LRRC2: variants seen among roughly 807,000 people sequenced by gnomAD.
The protein encoded by LRRC2 is leucine rich repeat containing 2.
A neutral mutation model predicts 40.2 loss-of-function variants in LRRC2; 27 were observed. The observed-to-expected ratio is 0.67, with a 90% confidence interval of 0.49 to 0.93. The LOEUF (loss-of-function observed/expected upper bound fraction) is 0.93. LRRC2 is among the 40% of genes least tolerant of loss of function. LRRC2 has a pLI of 0.00. For missense variants in LRRC2, 402 were observed against 439.6 expected (o/e 0.91, Z 0.76); for synonymous variants, 147 against 158.9 (o/e 0.92, Z 0.56).
intron 4 of LRRC2, among the ~76,000 whole-genome samples, chr3:46,535,644 T>G (rs571669134): frequency 1.7e-4 from 26 of 152,330 alleles, no homozygotes; most frequent in Non-Finnish European, 2.4e-4. Flanking sequence ...CATCTTTGTC[T>G]TCAGAATCTT....
chr3:46,560,626 T>C (rs1185278025), intron 1 of LRRC2, among the ~76,000 whole-genome samples: 2 of 152,178 alleles, frequency 1.3e-5, no homozygotes, highest in Non-Finnish European at 2.9e-5. Flanking sequence ...GCCTGGACCC[T>C]CGTTGAATTT....
chr3:46,536,120 T>C (rs377344306), intron 4 of LRRC2, among the ~76,000 whole-genome samples: 1 of 152,186 alleles, frequency 6.6e-6, no homozygotes, highest in Non-Finnish European at 1.5e-5. Context: ...TTAACATGCA[T>C]GGTTACATGT....
At chr3:46,563,672 T>C (rs1704995552) in intron 1 of LRRC2, among the ~76,000 whole-genome samples, 2 of 152,246 alleles carry the variant, frequency 1.3e-5, no homozygotes, top group African/African-American at 4.8e-5. Context: ...AAGTATTTGA[T>C]TCATTATATT....
chr3:46,522,808 C>CACAA (rs1391856123), intron 7 of LRRC2, among the ~76,000 whole-genome samples: 1 of 145,020 alleles, frequency 6.9e-6, no homozygotes, highest in African/African-American at 2.6e-5. Context: ...CACACACACA[C>CACAA]AAGCTAAAGG....
chr3:46,524,538 G>C (rs1305754321), intron 7 of LRRC2, among the ~76,000 whole-genome samples: 1 of 152,200 alleles, frequency 6.6e-6, no homozygotes, highest in Non-Finnish European at 1.5e-5. Context: ...TCCTCGGCTT[G>C]TTCTCTGGGA....
At chr3:46,537,216 C>G (rs549126974) in intron 4 of LRRC2, among the ~76,000 whole-genome samples, 1 of 152,310 alleles carries the variant, frequency 6.6e-6, no homozygotes, top group East Asian at 1.9e-4. Flanking sequence ...CAGCCTCAAC[C>G]TCCTGGGCTC....
chr3:46,536,691 A>C (rs1487741774), intron 4 of LRRC2, among the ~76,000 whole-genome samples: 2 of 152,188 alleles, frequency 1.3e-5, no homozygotes, highest in African/African-American at 4.8e-5. Flanking sequence ...TCTGCAGTGG[A>C]TCTTGGGCGT....
At chr3:46,527,751 A>G (rs1400706174) in intron 6 of LRRC2, among the ~76,000 whole-genome samples, 170 bp from the exon 7 acceptor site, 1 of 151,576 alleles carries the variant, frequency 6.6e-6, no homozygotes, top group African/African-American at 2.4e-5. Flanking sequence ...TTTTTGAGAC[A>G]AGGTGTTATT....
At chr3:46,540,484 C>G (rs1053490553) in intron 3 of LRRC2, among the ~76,000 whole-genome samples, 1 of 150,332 alleles carries the variant, frequency 6.7e-6, no homozygotes, top group African/African-American at 2.5e-5. Flanking sequence ...AAAATAGCAC[C>G]ACTGCACTCC....
chr3:46,545,133 G>A lies in LRRC2; in HGVS notation c.246C>T (p.Asn82=). The change falls in exon 3 of 9, where the codon AAC becomes AAT. Residue 82 remains asparagine, a synonymous_variant. Coordinates refer to ENST00000395905, the MANE Select transcript of LRRC2 (RefSeq NM_024512.5). ...SVRLLDKIER[N]TLTRQSSLPK... is the part of the protein sequence containing the mutation. ...GAAGTGAACTCTGCCTTGTGAGAGTGTTCCTTTCAATCTTGTCCAGAAGCC... is the reference window on the plus strand; with the variant it reads ...GAAGTGAACTCTGCCTTGTGAGAGTATTCCTTTCAATCTTGTCCAGAAGCC... 1.9e-6 allele frequency: 3 copies of A among 1,614,192 alleles called. No homozygotes were observed. The highest frequency in any genetic ancestry group is 2.5e-6 in the Non-Finnish European group (3 of 1,180,026).
At chr3:46,527,683 T>C (rs957542486) in intron 6 of LRRC2, 102 bp from the exon 7 acceptor site, 96 of 990,394 alleles carry the variant, frequency 9.7e-5, no homozygotes, top group Non-Finnish European at 1.4e-4. Context: ...CCTACTTTAT[T>C]TTATACATGT....
chr3:46,522,405 A>AAATG (rs1231601565), intron 7 of LRRC2, among the ~76,000 whole-genome samples: 4 of 148,754 alleles, frequency 2.7e-5, no homozygotes, highest in East Asian at 4.0e-4. Flanking sequence ...ATAAATAAAT[A>AAATG]AATAAATAAA....
At chr3:46,523,261 A>C (rs1376672434) in intron 7 of LRRC2, among the ~76,000 whole-genome samples, 1 of 152,192 alleles carries the variant, frequency 6.6e-6, no homozygotes, top group East Asian at 1.9e-4. Flanking sequence ...CATTGTACAC[A>C]TTTTTAAACC....
At position 46,517,959 on chromosome 3, in the gene LRRC2, C is replaced by A. The variant is rs1703895132; in HGVS notation, c.*1055G>T. 6.6e-6 allele frequency: 1 copy of A among 152,308 alleles called. No homozygotes were observed. Among genetic ancestry groups the A allele is most frequent in the African/African-American group, 2.4e-5 (1 of 41,432 alleles). 9.4% of individuals were successfully genotyped at this position (152,308 alleles called of 1,614,324 possible). On this transcript the variant is annotated 3_prime_UTR_variant, in exon 9 of 9. Coordinates refer to ENST00000395905, the MANE Select transcript of LRRC2 (RefSeq NM_024512.5). The stretch of plus-strand genomic sequence containing the variant: ...ACATGGCCATCTTGGAGGAAGGGAC[C>A]CTGAGGGCGTTGCCTTTGCTCTTTA...
At chr3:46,533,745 C>CCTTCCTTT (rs1553612490) in intron 4 of LRRC2, among the ~76,000 whole-genome samples, 7 of 77,968 alleles carry the variant, frequency 9.0e-5, no homozygotes, top group African/African-American at 3.7e-4. Context: ...TTCCTTCCTT[C>CCTTCCTTT]CTTCTTCCTT....
At chr3:46,545,292 G>A in intron 2 of LRRC2, 39 bp from the exon 3 acceptor site, 1 of 1,585,412 alleles carries the variant, frequency 6.3e-7, no homozygotes, top group East Asian at 2.2e-5. Context: ...CTCTCCTGGG[G>A]ACTGGCCATC....
intron 4 of LRRC2, among the ~76,000 whole-genome samples, chr3:46,534,438 T>TTC (rs1290944384): frequency 7.4e-6 from 1 of 134,950 alleles, no homozygotes; most frequent in African/African-American, 3.8e-5. Context: ...CTTTCTTTCT[T>TTC]TCTTTCTTTC....
chr3:46,555,690 G>A (rs1704775934), intron 1 of LRRC2, among the ~76,000 whole-genome samples: 1 of 152,098 alleles, frequency 6.6e-6, no homozygotes, highest in Non-Finnish European at 1.5e-5. Flanking sequence ...TATGTATTAT[G>A]TCAATCAATG....
intron 4 of LRRC2, among the ~76,000 whole-genome samples, chr3:46,538,031 A>T (rs1461148544): frequency 6.6e-6 from 1 of 152,244 alleles, no homozygotes; most frequent in African/African-American, 2.4e-5. Flanking sequence ...ATGCATATGC[A>T]TCCCCAAGAT....
Sources: gnomAD v4.1 joint callset for allele counts (sites outside exome capture counted in the v4.1 genomes callset) on GRCh38, gnomAD v4.1.1 for gene constraint, MANE v1.5 for transcripts, NCBI Gene and HGNC (gene_info 2026-07-23, HGNC 2026-07-21) for gene names.